Variants in ZBTB44 observed in about 807,000 individuals in gnomAD.
The protein encoded by ZBTB44 is zinc finger and BTB domain containing 44.
ZBTB44 carries 15 observed loss-of-function variants against 54.0 expected under a neutral mutation model. The observed-to-expected ratio is 0.28, with a 90% CI of 0.19 to 0.43. ZBTB44 has a LOEUF of 0.43. ZBTB44 is among the 20% of genes least tolerant of loss of function. The probability of loss-of-function intolerance (pLI) is 1.00; values close to 1 mark genes in which losing one functional copy is unlikely to be tolerated. For synonymous variants in ZBTB44, 230 were observed against 250.1 expected, an observed-to-expected ratio of 0.92 and a Z score of 0.76; for missense variants, 487 against 707.1, an observed-to-expected ratio of 0.69 and a Z score of 3.53.
At chr11:130,284,078 C>T (rs1221222251) in intron 1 of ZBTB44, among the ~76,000 whole-genome samples, 3 of 150,750 alleles carry the variant, frequency 2.0e-5, no homozygotes, top group African/African-American at 7.4e-5. Context: ...CACCTGAGGT[C>T]GGAAGTTCAA....
intron 2 of ZBTB44, among the ~76,000 whole-genome samples, chr11:130,254,667 C>T (rs566407824): frequency 4.6e-5 from 7 of 152,170 alleles, no homozygotes; most frequent in East Asian, 1.9e-4. Flanking sequence ...GTCAGTGTGG[C>T]GATTCCTCAG....
intron 2 of ZBTB44, 61 bp downstream of exon 2, chr11:130,260,795 G>A: frequency 6.6e-7 from 1 of 1,506,482 alleles, no homozygotes; most frequent in Non-Finnish European, 8.8e-7. Context: ...TTATCTAACA[G>A]GAACTTAAAA....
In ZBTB44 at chr11:130,238,514, A is replaced by G; in HGVS notation, c.1197T>C (p.Phe399=). ...RPSPNGPDRP[F]QCPTCGVRFT... is the part of the protein sequence containing the mutation. Reference sequence around the variant, plus strand: ...ATCGCACCCCGCAGGTTGGACACTGAAAAGGTCTGTCGGGACCATTTGGAC... The same window carrying G: ...ATCGCACCCCGCAGGTTGGACACTGGAAAGGTCTGTCGGGACCATTTGGAC... Residue 399 remains phenylalanine, a synonymous_variant, in exon 4 of 8, where the codon TTT becomes TTC. Transcript: ENST00000357899. The G allele has an allele frequency of 6.2e-7, 1 of 1,611,486 alleles. No homozygotes were observed. The highest frequency in any genetic ancestry group is 8.5e-7 in the Non-Finnish European group (1 of 1,178,856).
At chr11:130,294,238 G>A (rs1419659768) in intron 1 of ZBTB44, among the ~76,000 whole-genome samples, 7 of 151,294 alleles carry the variant, frequency 4.6e-5, no homozygotes, top group South Asian at 2.1e-4. Context: ...GCGAAACCCC[G>A]TCTCTACTAA....
chr11:130,267,832 G>A (rs1390188735), intron 1 of ZBTB44, among the ~76,000 whole-genome samples: 1 of 152,046 alleles, frequency 6.6e-6, no homozygotes, highest in Non-Finnish European at 1.5e-5. Context: ...GGCACTTTGG[G>A]AGGCCAGGGC....
intron 2 of ZBTB44, among the ~76,000 whole-genome samples, chr11:130,253,627 G>C (rs1938203766): frequency 6.6e-6 from 1 of 152,164 alleles, no homozygotes; most frequent in East Asian, 1.9e-4. Flanking sequence ...TGAATATCGT[G>C]AAAATGGCCA....
At chr11:130,259,464 A>G (rs1591974571) in intron 2 of ZBTB44, among the ~76,000 whole-genome samples, 1 of 152,338 alleles carries the variant, frequency 6.6e-6, no homozygotes, top group Middle Eastern at 3.4e-3. Flanking sequence ...TATACACCCA[A>G]AGGATTATAA....
intron 2 of ZBTB44, among the ~76,000 whole-genome samples, chr11:130,250,218 C>T (rs1277001284): frequency 3.3e-5 from 5 of 152,206 alleles, no homozygotes; most frequent in Non-Finnish European, 5.9e-5. Flanking sequence ...CTTTAGATTC[C>T]TCTTCATTGG....
In ZBTB44 at chr11:130,228,377, C is replaced by T. The variant is rs1591908320; in HGVS notation, c.*3387G>A. 6.6e-6 allele frequency: 1 copy of T among 152,294 alleles called. No individual in the cohort carries two copies. Among genetic ancestry groups the T allele is most frequent in the East Asian group, 1.9e-4 (1 of 5,186 alleles). 9.4% of individuals were successfully genotyped at this position (152,294 alleles called of 1,614,324 possible). ...GGTACCTGAAAGATGAAAAGCAGTG[C>T]AACTTTCAACAATTTAATGGACTAC... On this transcript the variant is annotated 3_prime_UTR_variant, in exon 8 of 8. Coordinates refer to ENST00000357899, the MANE Select transcript of ZBTB44 (RefSeq NM_001301098.2).
rs1397746956 is a variant in ZBTB44 at position 130,234,246 on chromosome 11, G to A, written c.1596C>T (p.Asn532=). ...SSDFLVPDYL[N]QEQEETLVQY... ...GAACAAGGGTCTCTTCTTGTTCCTG[G>A]TTTAAGTAGTCCGGTACTAGGAAAT... is the stretch of plus-strand genomic sequence containing the variant. The change falls in exon 6 of 8, where the codon AAC becomes AAT. Residue 532 remains asparagine, a synonymous_variant. Transcript: ENST00000357899. The A allele has an allele frequency of 4.6e-6, 7 of 1,528,296 alleles. No individual in the cohort carries two copies. The highest frequency in any genetic ancestry group is 6.2e-6 in the Non-Finnish European group (7 of 1,137,740). The allele number at this position is 1,528,296 out of a possible 1,614,324, so 94.7% of individuals were successfully genotyped here. A position where few individuals can be genotyped will look rare whatever the true frequency, so the allele number is the denominator to read the frequency against.
At chr11:130,296,534 A>T (rs1451900032) in intron 1 of ZBTB44, 4 of 883,710 alleles carry the variant, frequency 4.5e-6, no homozygotes, top group Admixed American at 4.0e-5. Flanking sequence ...AGTCAACTGG[A>T]TTGTTCACTA....
chr11:130,283,553 A>G (rs1940695157), intron 1 of ZBTB44, among the ~76,000 whole-genome samples: 1 of 152,200 alleles, frequency 6.6e-6, no homozygotes, highest in Admixed American at 6.5e-5. Context: ...TACTCAATTT[A>G]AATTTATATC....
intron 2 of ZBTB44, among the ~76,000 whole-genome samples, chr11:130,259,200 C>T (rs1349312913): frequency 6.6e-6 from 1 of 152,182 alleles, no homozygotes; most frequent in Non-Finnish European, 1.5e-5. Context: ...CATTGACTTT[C>T]TTCACGGAAT....
intron 1 of ZBTB44, among the ~76,000 whole-genome samples, chr11:130,267,506 A>T (rs2134167917): frequency 6.6e-6 from 1 of 152,082 alleles, no homozygotes; most frequent in South Asian, 2.1e-4. Flanking sequence ...CCTAGGGTCA[A>T]GCAATCCTCC....
chr11:130,290,031 T>G (rs1941209722), intron 1 of ZBTB44, among the ~76,000 whole-genome samples: 1 of 152,246 alleles, frequency 6.6e-6, no homozygotes, highest in Non-Finnish European at 1.5e-5. Flanking sequence ...GATACCTTTA[T>G]GGCTTTGCAG....
chr11:130,287,363 T>C (rs1941029402), intron 1 of ZBTB44, among the ~76,000 whole-genome samples: 2 of 152,206 alleles, frequency 1.3e-5, no homozygotes, highest in African/African-American at 2.4e-5. Flanking sequence ...ACTATGCCTA[T>C]TACCAAGAGA....
At chr11:130,309,317 T>C (rs1211449938) in intron 1 of ZBTB44, among the ~76,000 whole-genome samples, 2 of 152,206 alleles carry the variant, frequency 1.3e-5, no homozygotes, top group Non-Finnish European at 2.9e-5. Context: ...GTGTGACCTA[T>C]GACAGTGAGG....
chr11:130,298,796 T>C (rs1165535036), intron 1 of ZBTB44, among the ~76,000 whole-genome samples: 2 of 149,806 alleles, frequency 1.3e-5, no homozygotes, highest in East Asian at 3.9e-4. Flanking sequence ...CTCTCTGCAA[T>C]TATAGAACTG....
At chr11:130,311,553 G>C (rs1007093957) in intron 1 of ZBTB44, among the ~76,000 whole-genome samples, 5 of 152,120 alleles carry the variant, frequency 3.3e-5, no homozygotes, top group African/African-American at 1.2e-4. Flanking sequence ...TTTAAGACAA[G>C]AGACAAATAT....
Sources: gnomAD v4.1 joint callset for allele counts (sites outside exome capture counted in the v4.1 genomes callset) on GRCh38, gnomAD v4.1.1 for gene constraint, MANE v1.5 for transcripts, NCBI Gene and HGNC (gene_info 2026-07-23, HGNC 2026-07-21) for gene names.